Variants in OPRM1 observed in about 807,000 individuals in gnomAD.
The protein encoded by OPRM1 is mu-type opioid receptor.
OPRM1 carries 27 observed loss-of-function variants against 31.8 expected under a neutral mutation model. The observed-to-expected ratio is 0.85, with a 90% CI of 0.63 to 1.17. OPRM1 has a LOEUF of 1.17. Ranked by LOEUF, OPRM1 falls within the 50% of genes most tolerant of loss-of-function variation. The pLI is 0.00. For missense variants in OPRM1, 536 were observed against 511.1 expected, an observed-to-expected ratio of 1.05 and a Z score of -0.47; for synonymous variants, 196 against 189.9, an observed-to-expected ratio of 1.03 and a Z score of -0.26.
intron 3 of OPRM1, among the ~76,000 whole-genome samples, chr6:154,106,703 A>G (rs1431841717): frequency 1.3e-5 from 2 of 152,156 alleles, no homozygotes; most frequent in African/African-American, 2.4e-5. Context: ...CCTTTTTTAT[A>G]TAAAATCTCT....
At chr6:154,219,876 C>T (rs1778712989) in intron 3 of OPRM1, among the ~76,000 whole-genome samples, 2 of 152,144 alleles carry the variant, frequency 1.3e-5, no homozygotes, top group South Asian at 4.1e-4. Context: ...CGACTTTCTA[C>T]AGTACAAAGC....
At chr6:154,199,570 T>C in intron 3 of OPRM1, 1 of 1,331,254 alleles carries the variant, frequency 7.5e-7, no homozygotes, top group South Asian at 1.5e-5. Flanking sequence ...GAATCATCAT[T>C]CATGAGTTTA....
chr6:154,170,222 T>C (rs949324059), intron 3 of OPRM1, among the ~76,000 whole-genome samples: 2 of 152,238 alleles, frequency 1.3e-5, no homozygotes, highest in African/African-American at 4.8e-5. Context: ...TACAATGAGA[T>C]TTCTTTTTCC....
chr6:154,071,520 C>T (rs986909056), intron 1 of OPRM1, among the ~76,000 whole-genome samples: 8 of 151,850 alleles, frequency 5.3e-5, no homozygotes, highest in African/African-American at 1.9e-4. Context: ...TCCATGCTCA[C>T]CAGCGAAAAC....
chr6:154,117,116 C>G (rs927331483), intron 3 of OPRM1, among the ~76,000 whole-genome samples: 2 of 152,192 alleles, frequency 1.3e-5, no homozygotes, highest in Non-Finnish European at 2.9e-5. Context: ...ACAGGTAGGA[C>G]AGAGGTGGAC....
chr6:154,199,072 C>A (rs1776865821), intron 3 of OPRM1, among the ~76,000 whole-genome samples: 1 of 152,232 alleles, frequency 6.6e-6, no homozygotes, highest in Non-Finnish European at 1.5e-5. Flanking sequence ...CTTCCACACA[C>A]AATTAATTCT....
chr6:154,010,813 T>C (rs886693062), exon 1 of OPRM1: 12 of 1,395,622 alleles, frequency 8.6e-6, no homozygotes, highest in East Asian at 8.4e-5. Context: ...TCTGAGATGA[T>C]AGAAAAGGGC....
chr6:154,085,317 A>G (rs1482685674), intron 1 of OPRM1, among the ~76,000 whole-genome samples: 3 of 152,166 alleles, frequency 2.0e-5, no homozygotes. Flanking sequence ...TTTCCCCAAC[A>G]CTTCTGGAAG....
intron 1 of OPRM1, among the ~76,000 whole-genome samples, chr6:154,028,451 C>G (rs6925981): frequency 0.089 from 13,504 of 152,136 alleles, 1,072 homozygotes; most frequent in African/African-American, 0.21. Context: ...CTAGGGGAGG[C>G]GTGATGCCAG....
At chr6:154,047,606 A>G (rs1238899174) in intron 1 of OPRM1, among the ~76,000 whole-genome samples, 1 of 152,240 alleles carries the variant, frequency 6.6e-6, no homozygotes, top group Non-Finnish European at 1.5e-5. Flanking sequence ...TCGTAAACCA[A>G]TGGATAGGGC....
intron 3 of OPRM1, chr6:154,094,120 T>C: frequency 1.4e-6 from 1 of 696,512 alleles, no homozygotes; most frequent in Non-Finnish European, 2.2e-6. Context: ...ATGTTTATGT[T>C]CTGCCTTATG....
chr6:154,021,661 CTT>C (rs1778372461), intron 1 of OPRM1, among the ~76,000 whole-genome samples: 1 of 152,064 alleles, frequency 6.6e-6, no homozygotes, highest in Non-Finnish European at 1.5e-5. Flanking sequence ...TCATAAAGGT[CTT>C]ATATATTTTC....
chr6:154,079,105 C>T (rs965155210), intron 1 of OPRM1, among the ~76,000 whole-genome samples: 2 of 152,288 alleles, frequency 1.3e-5, no homozygotes, highest in Non-Finnish European at 2.9e-5. Context: ...AACTGATCAT[C>T]TCATTCCCTC....
At chr6:154,229,451 G>T (rs1010236483) in intron 3 of OPRM1, among the ~76,000 whole-genome samples, 1 of 146,836 alleles carries the variant, frequency 6.8e-6, no homozygotes, top group South Asian at 2.3e-4. Flanking sequence ...CTGGGTTCAC[G>T]CCATTCTCCC....
rs1328007433 is a variant in OPRM1 at position 154,100,080 on chromosome 6, ATT to A, written c.1164+8609_1164+8610del. Among the ~76,000 whole-genome samples the A allele has an allele frequency of 2.2e-3, 250 of 113,354 alleles. 4 individuals carry two copies. The highest frequency in any genetic ancestry group is 4.3e-3 in the African/African-American group (129 of 30,344). The allele number at this position is 113,354 out of a possible 152,430, so 74.4% of individuals were successfully genotyped here. A position where few individuals can be genotyped will look rare whatever the true frequency, so the allele number is the denominator to read the frequency against. ...TGATATATATCATGATATATATCAT[ATT>A]ATATATTATCATATTATGATATATA... On this transcript the variant is annotated intron_variant, in intron 3 of 3. Transcript: ENST00000330432.
At chr6:154,115,566 A>G (rs907805753) in intron 3 of OPRM1, among the ~76,000 whole-genome samples, 6 of 151,982 alleles carry the variant, frequency 3.9e-5, no homozygotes, top group Non-Finnish European at 5.9e-5. Context: ...GAGAGAGAGA[A>G]TAAGAGTTGG....
At chr6:154,024,800 A>G (rs950020123) in intron 1 of OPRM1, among the ~76,000 whole-genome samples, 1 of 151,830 alleles carries the variant, frequency 6.6e-6, no homozygotes, top group Non-Finnish European at 1.5e-5. Context: ...TCATTAACTC[A>G]TTGGTCATTC....
chr6:154,053,938 T>C (rs926076988), intron 1 of OPRM1, among the ~76,000 whole-genome samples: 19 of 152,156 alleles, frequency 1.2e-4, no homozygotes, highest in African/African-American at 4.3e-4. Flanking sequence ...GAATAATAAT[T>C]GAGTCTCCTT....
chr6:154,224,532 A>G (rs773900748), intron 3 of OPRM1, among the ~76,000 whole-genome samples: 3 of 151,868 alleles, frequency 2.0e-5, no homozygotes, highest in Non-Finnish European at 2.9e-5. Flanking sequence ...ACACGGTGAA[A>G]CCCCATCTCT....
Sources: gnomAD v4.1 joint callset for allele counts (sites outside exome capture counted in the v4.1 genomes callset) on GRCh38, gnomAD v4.1.1 for gene constraint, MANE v1.5 for transcripts, NCBI Gene and HGNC (gene_info 2026-07-23, HGNC 2026-07-21) for gene names.